Variants in IKZF2 observed in about 807,000 individuals in gnomAD.
IKZF2 encodes the protein zinc finger protein Helios.
In IKZF2, 15 loss-of-function variants were observed where a neutral mutation model predicts 49.2. The observed-to-expected ratio is 0.30, with a 90% CI of 0.20 to 0.47. The LOEUF (loss-of-function observed/expected upper bound fraction) is 0.47, where lower values mean the gene tolerates loss of function less well. Ranked by LOEUF, IKZF2 falls within the 20% of genes least tolerant of loss-of-function variation. IKZF2 has a pLI of 1.00. For missense variants in IKZF2, 567 were observed against 664.6 expected (o/e 0.85, Z 1.61); for synonymous variants, 227 against 221.4 (o/e 1.03, Z -0.23).
intron 4 of IKZF2, among the ~76,000 whole-genome samples, chr2:213,125,343 G>T (rs1364527793): frequency 6.6e-6 from 1 of 152,066 alleles, no homozygotes; most frequent in South Asian, 2.1e-4. Flanking sequence ...CCCAGACACT[G>T]AAGCAGAAAT....
At chr2:213,061,357 A>G (rs878976471) in intron 4 of IKZF2, among the ~76,000 whole-genome samples, 1 of 151,506 alleles carries the variant, frequency 6.6e-6, no homozygotes, top group African/African-American at 2.4e-5. Flanking sequence ...GGTATAGATC[A>G]TTGTGAAAAA....
Position 212,999,704 on chromosome 2 carries a change from T to G in IKZF2, c.*7656A>C, listed in dbSNP as rs1694725933. The G allele has an allele frequency of 6.6e-6, 1 of 152,368 alleles. No individual in the cohort carries two copies. The highest frequency in any genetic ancestry group is 2.4e-5 in the African/African-American group (1 of 41,446). 9.4% of individuals were successfully genotyped at this position (152,368 alleles called of 1,614,324 possible). The stretch of plus-strand genomic sequence containing the variant: ...GAAAGTTTTTATAGCAAACTTTTTA[T>G]GTCAGAAGTTTATTTTATTGGTAAA... On this transcript the variant is annotated 3_prime_UTR_variant, in exon 9 of 9. Coordinates refer to ENST00000434687, the MANE Select transcript of IKZF2 (RefSeq NM_001387220.1).
At chr2:213,056,084 A>C (rs1701125768) in intron 5 of IKZF2, among the ~76,000 whole-genome samples, 2 of 152,092 alleles carry the variant, frequency 1.3e-5, no homozygotes, top group Non-Finnish European at 2.9e-5. Flanking sequence ...TAAGAAAAAA[A>C]AATTGGCAAA....
intron 7 of IKZF2, among the ~76,000 whole-genome samples, chr2:213,015,505 G>T (rs1017684100): frequency 9.2e-5 from 14 of 151,930 alleles, no homozygotes; most frequent in African/African-American, 3.4e-4. Context: ...AAAAGTAAAA[G>T]AGTCAACAAA....
intron 4 of IKZF2, among the ~76,000 whole-genome samples, chr2:213,132,249 C>T (rs922653318): frequency 1.3e-4 from 19 of 149,608 alleles, no homozygotes; most frequent in Non-Finnish European, 3.0e-5. Context: ...TTTCCAGTCA[C>T]ACAAAGGAGA....
At chr2:213,059,910 A>T (rs1195831544) in intron 4 of IKZF2, among the ~76,000 whole-genome samples, 4 of 151,478 alleles carry the variant, frequency 2.6e-5, no homozygotes, top group Non-Finnish European at 1.5e-5. Context: ...AAGAAATAGT[A>T]AAGCCGTAGT....
intron 4 of IKZF2, among the ~76,000 whole-genome samples, chr2:213,078,435 AGTTT>A (rs547924760): frequency 9.4e-4 from 143 of 152,330 alleles, no homozygotes; most frequent in Non-Finnish European, 1.7e-3. Context: ...ATACTTAAAC[AGTTT>A]ATTTAGTTCA....
intron 4 of IKZF2, among the ~76,000 whole-genome samples, chr2:213,072,994 T>C (rs553675088): frequency 9.2e-4 from 140 of 152,242 alleles, no homozygotes; most frequent in African/African-American, 3.2e-3. Context: ...ATAAATTCAG[T>C]AAATATTCAG....
At chr2:213,021,042 G>A (rs1366965208) in intron 7 of IKZF2, among the ~76,000 whole-genome samples, 1 of 151,802 alleles carries the variant, frequency 6.6e-6, no homozygotes, top group South Asian at 2.1e-4. Flanking sequence ...GCGAAACCCC[G>A]TCTCTACTAA....
At chr2:213,111,941 G>A (rs2059717221) in intron 4 of IKZF2, among the ~76,000 whole-genome samples, 1 of 152,052 alleles carries the variant, frequency 6.6e-6, no homozygotes, top group Non-Finnish European at 1.5e-5. Context: ...AATTCAAATT[G>A]TAATTTATTT....
chr2:213,125,240 C>T (rs959732382), intron 4 of IKZF2, among the ~76,000 whole-genome samples: 1 of 152,128 alleles, frequency 6.6e-6, no homozygotes, highest in African/African-American at 2.4e-5. Context: ...TGCCATTATC[C>T]TTTAATAAAT....
chr2:213,022,143 C>G lies in IKZF2; in HGVS notation c.575-13G>C, dbSNP rs1178334025. ...TGAGGTTTACCCACTGTGAAGAGAA[C>G]TCAAGGTCAGTGTGCTGTTAGTCTC... On this transcript the variant is annotated splice_polypyrimidine_tract_variant and intron_variant, in intron 6 of 8. Transcript: ENST00000434687. The G allele has an allele frequency of 6.3e-7, 1 of 1,592,504 alleles. No homozygotes were observed.
chr2:213,031,684 G>C (rs1698451952), intron 6 of IKZF2, among the ~76,000 whole-genome samples: 1 of 152,150 alleles, frequency 6.6e-6, no homozygotes, highest in South Asian at 2.1e-4. Flanking sequence ...TTTTGGCAGT[G>C]TAACAGTTAT....
intron 4 of IKZF2, among the ~76,000 whole-genome samples, chr2:213,102,813 T>C (rs1032488950): frequency 2.6e-5 from 4 of 152,034 alleles, no homozygotes; most frequent in Non-Finnish European, 5.9e-5. Flanking sequence ...TCAGTAATAT[T>C]CTGCTGCTCT....
chr2:213,127,580 T>C (rs527796559), intron 4 of IKZF2, among the ~76,000 whole-genome samples: 233 of 152,326 alleles, frequency 1.5e-3, no homozygotes, highest in African/African-American at 5.4e-3. Context: ...CCAGCTGTAG[T>C]AGTATAGATA....
At chr2:213,092,780 C>A (rs942976819) in intron 4 of IKZF2, among the ~76,000 whole-genome samples, 1 of 152,160 alleles carries the variant, frequency 6.6e-6, no homozygotes, top group Admixed American at 6.6e-5. Context: ...AGGTGGGGTA[C>A]CCCTTTCTGT....
In IKZF2 at chr2:213,022,053, A is replaced by C; in HGVS notation, c.652T>G (p.Cys218Gly). 6.2e-7 allele frequency: 1 copy of C among 1,613,914 alleles called. No individual in the cohort carries two copies. Among genetic ancestry groups the C allele is most frequent in the Non-Finnish European group, 8.5e-7 (1 of 1,179,846 alleles). The change falls in exon 7 of 9, where the codon TGC becomes GGC. Residue 218 changes from cysteine to glycine, a missense_variant. This residue lies in a region of IKZF2 where 310 missense variants were observed against 326.9 expected (regional missense o/e 0.95). Coordinates refer to ENST00000434687, the MANE Select transcript of IKZF2 (RefSeq NM_001387220.1). ...RSSLEEHKER[C>G]HNYLQNVSME... ...CTGACATTCTGGAGATAGTTGTGGC[A>C]GCGTTCCTTGTGCTCCTCCAGTGAA... is the stretch of plus-strand genomic sequence containing the variant.
intron 4 of IKZF2, among the ~76,000 whole-genome samples, chr2:213,087,356 A>G (rs1366788679): frequency 2.0e-5 from 3 of 152,228 alleles, no homozygotes; most frequent in Non-Finnish European, 4.4e-5. Flanking sequence ...ACGTACGCAT[A>G]AAATTCAAAA....
At chr2:213,096,243 G>A (rs1281696828) in intron 4 of IKZF2, among the ~76,000 whole-genome samples, 1 of 151,906 alleles carries the variant, frequency 6.6e-6, no homozygotes, top group Non-Finnish European at 1.5e-5. Context: ...GAATGTCTAA[G>A]AATAGCAAAT....
Sources: allele counts gnomAD v4.1 joint callset (sites outside exome capture counted in the v4.1 genomes callset), GRCh38; gene constraint gnomAD v4.1.1; regional missense constraint gnomAD v4.1.1; transcripts MANE v1.5; gene names NCBI Gene and HGNC (gene_info 2026-07-23, HGNC 2026-07-21).